The following MAPRE3 variants were observed in gnomAD, a reference collection of about 807,000 sequenced individuals.
The protein encoded by MAPRE3 is microtubule-associated protein RP/EB family member 3.
Under a neutral mutation model 30.5 loss-of-function variants are expected in MAPRE3, and 2 were observed. The observed-to-expected ratio is 0.07, with a 90% CI of 0.03 to 0.21. The LOEUF (loss-of-function observed/expected upper bound fraction) is 0.21. MAPRE3 is among the 10% of genes least tolerant of loss of function. The probability of loss-of-function intolerance (pLI) is 1.00; values close to 1 mark genes in which losing one functional copy is unlikely to be tolerated. For synonymous variants in MAPRE3, 110 were observed against 127.7 expected (o/e 0.86, Z 0.93); for missense variants, 204 against 351.8 (o/e 0.58, Z 3.36).
At chr2:27,010,991 T>C (rs13032100) in intron 1 of MAPRE3, among the ~76,000 whole-genome samples, 88,693 of 151,852 alleles carry the variant, frequency 0.58, 26,304 homozygotes, top group East Asian at 0.76. Flanking sequence ...ATTGCACAAT[T>C]TAATGACCAT....
intron 1 of MAPRE3, among the ~76,000 whole-genome samples, chr2:26,975,225 C>T (rs190594045): frequency 2.2e-4 from 34 of 152,308 alleles, no homozygotes; most frequent in Middle Eastern, 6.8e-3. Flanking sequence ...CTGCTGAGCT[C>T]TTGCTTGTGA....
intron 1 of MAPRE3, among the ~76,000 whole-genome samples, chr2:26,976,210 C>T (rs986324014): frequency 1.3e-5 from 2 of 152,196 alleles, no homozygotes; most frequent in South Asian, 4.1e-4. Flanking sequence ...GACTGATTAA[C>T]TGCTTCTGGT....
intron 1 of MAPRE3, chr2:27,013,978 G>A (rs887045839): frequency 4.6e-5 from 7 of 152,096 alleles, no homozygotes; most frequent in African/African-American, 1.7e-4. Flanking sequence ...GGATATCTTC[G>A]CCTACTTGCT....
intron 1 of MAPRE3, among the ~76,000 whole-genome samples, chr2:26,975,769 GCTGC>G (rs150434566): frequency 0.024 from 3,602 of 152,194 alleles, 170 homozygotes; most frequent in African/African-American, 0.083. Flanking sequence ...AAAAGAAGCA[GCTGC>G]CTTTACTTGG....
intron 1 of MAPRE3, among the ~76,000 whole-genome samples, chr2:26,987,780 A>G (rs1053544335): frequency 1.3e-5 from 2 of 152,244 alleles, no homozygotes; most frequent in African/African-American, 4.8e-5. Flanking sequence ...CTAACCACCC[A>G]GACTCATTTC....
rs544824128 is a variant in MAPRE3, at chr2:27,025,013, G to A, written c.470-570G>A. Among the ~76,000 whole-genome samples, 6 of 152,246 alleles carry A rather than the reference G, an allele frequency of 3.9e-5. No homozygotes were observed. The South Asian group carries it at 6.2e-4, about 16-fold the overall frequency. On this transcript the variant is annotated intron_variant, in intron 4 of 6. Transcript: ENST00000233121. ...CCGCTCTGTCTAGGGAGGTGCAGTC[G>A]CTAGTGAGCAAGTCGCCACGGCATG...
intron 1 of MAPRE3, among the ~76,000 whole-genome samples, chr2:26,990,229 T>C (rs1666309322): frequency 6.6e-6 from 1 of 152,144 alleles, no homozygotes; most frequent in Non-Finnish European, 1.5e-5. Context: ...TGAAGAACAG[T>C]GTAGCTCCCC....
chr2:27,017,311 T>C (rs1667011926), intron 1 of MAPRE3, among the ~76,000 whole-genome samples: 1 of 152,186 alleles, frequency 6.6e-6, no homozygotes, highest in Non-Finnish European at 1.5e-5. Flanking sequence ...ACTGAAGCTG[T>C]GTTCCTGCTA....
At chr2:27,017,202 C>A (rs1352437426) in intron 1 of MAPRE3, among the ~76,000 whole-genome samples, 2 of 152,190 alleles carry the variant, frequency 1.3e-5, no homozygotes, top group African/African-American at 4.8e-5. Flanking sequence ...CCTGCAGAGA[C>A]CCCTGGGTGC....
In MAPRE3 at chr2:27,026,010, T is replaced by C. The variant is rs376653902; in HGVS notation, c.755T>C (p.Ile252Thr). ...AACAGCCCTGTTATCTCAGGCATCA[T>C]TGGCATCCTCTATGCCACAGAGGTG... is the stretch of plus-strand genomic sequence containing the variant. The part of the protein sequence containing the change: ...SENSPVISGI[I>T]GILYATEEGF... Residue 252 changes from isoleucine (I) to threonine (T), a missense_variant, in exon 6 of 7, where the codon ATT becomes ACT. This residue lies in a region of MAPRE3 where 3 missense variants were observed against 18.9 expected (regional missense o/e 0.16). Coordinates refer to ENST00000233121, the MANE Select transcript of MAPRE3 (RefSeq NM_012326.4). The C allele has an allele frequency of 3.7e-6, 6 of 1,614,232 alleles. No individual in the cohort carries two copies. The highest frequency in any genetic ancestry group is 5.1e-6 in the Non-Finnish European group (6 of 1,180,036).
chr2:27,003,802 T>G (rs1455819985), intron 1 of MAPRE3, among the ~76,000 whole-genome samples: 2 of 152,142 alleles, frequency 1.3e-5, no homozygotes, highest in Non-Finnish European at 2.9e-5. Context: ...CTTACCTAAT[T>G]TCATTGTTAC....
At chr2:27,026,178 C>A in intron 6 of MAPRE3, 102 bp from the exon 7 acceptor site, 1 of 1,362,628 alleles carries the variant, frequency 7.3e-7, no homozygotes, top group Non-Finnish European at 1.0e-6. Context: ...ATTAGCAGGG[C>A]TCCTGGACTC....
chr2:27,019,389 G>A (rs1667065032), intron 1 of MAPRE3, among the ~76,000 whole-genome samples: 1 of 151,352 alleles, frequency 6.6e-6, no homozygotes, highest in African/African-American at 2.4e-5. Flanking sequence ...GGGGATGGCA[G>A]GGGGACCCAG....
rs574114190 is a variant in MAPRE3 at position 26,984,732 on chromosome 2, A to G, written c.-8+13930A>G. The G allele has an allele frequency of 2.0e-5, 3 of 152,374 alleles. No individual in the cohort carries two copies. The East Asian group carries it at 5.8e-4, about 29-fold the overall frequency. The allele number at this position is 152,374 out of a possible 1,614,324, so 9.4% of individuals were successfully genotyped here. On this transcript the variant is annotated intron_variant, in intron 1 of 6. Coordinates refer to ENST00000233121, the MANE Select transcript of MAPRE3 (RefSeq NM_012326.4). Reference sequence around the variant, plus strand: ...CATTGCTTTTCACTGTGGTGAACATATTACTCCATTTTCTTCCAGTCGCAC... The same window carrying G: ...CATTGCTTTTCACTGTGGTGAACATGTTACTCCATTTTCTTCCAGTCGCAC...
chr2:27,004,418 C>A (rs1362272644), intron 1 of MAPRE3, among the ~76,000 whole-genome samples: 1 of 152,144 alleles, frequency 6.6e-6, no homozygotes, highest in East Asian at 1.9e-4. Context: ...TCCTCCTCCC[C>A]CTCATTTTCT....
chr2:26,972,558 G>T (rs2148193186), intron 1 of MAPRE3, among the ~76,000 whole-genome samples: 1 of 152,346 alleles, frequency 6.6e-6, no homozygotes, highest in Non-Finnish European at 1.5e-5. Flanking sequence ...GGAACTGTGG[G>T]GCCTGAGAGT....
At chr2:27,005,220 C>T (rs1666698680) in intron 1 of MAPRE3, among the ~76,000 whole-genome samples, 1 of 152,122 alleles carries the variant, frequency 6.6e-6, no homozygotes, top group African/African-American at 2.4e-5. Context: ...ATATTAATTC[C>T]AGGACTATCA....
chr2:27,024,545 C>T (rs1349289163), intron 4 of MAPRE3, among the ~76,000 whole-genome samples: 4 of 152,220 alleles, frequency 2.6e-5, no homozygotes, highest in Non-Finnish European at 5.9e-5. Flanking sequence ...GGGTAGGAGG[C>T]CCAAGGCACT....
At chr2:26,995,800 T>TGTGTGA (rs1179078444) in intron 1 of MAPRE3, among the ~76,000 whole-genome samples, 3 of 148,546 alleles carry the variant, frequency 2.0e-5, no homozygotes, top group Non-Finnish European at 3.0e-5. Flanking sequence ...TGTGTGTGTG[T>TGTGTGA]GTGTGTGTGT....
Sources: gnomAD v4.1 joint callset for allele counts (sites outside exome capture counted in the v4.1 genomes callset) on GRCh38, gnomAD v4.1.1 for gene constraint, gnomAD v4.1.1 regional missense constraint, MANE v1.5 for transcripts, NCBI Gene and HGNC (gene_info 2026-07-23, HGNC 2026-07-21) for gene names.